The following LPP variants were observed in gnomAD, a reference collection of about 807,000 sequenced individuals.
The protein encoded by LPP is lipoma-preferred partner.
A neutral mutation model predicts 60.4 loss-of-function variants in LPP; 38 were observed. The observed-to-expected ratio is 0.63, with a 90% CI of 0.49 to 0.83. The LOEUF (loss-of-function observed/expected upper bound fraction) is 0.83. Among genes scored for constraint, LPP ranks in the 40% least tolerant of loss-of-function variants. The probability of loss-of-function intolerance (pLI) is 0.00; values close to 1 mark genes in which losing one functional copy is unlikely to be tolerated. For missense variants in LPP, 902 were observed against 783.6 expected (o/e 1.15, Z -1.80); for synonymous variants, 328 against 290.8 (o/e 1.13, Z -1.30).
At chr3:188,427,794 G>T (rs1175888268) in intron 4 of LPP, among the ~76,000 whole-genome samples, 1 of 152,176 alleles carries the variant, frequency 6.6e-6, no homozygotes, top group Admixed American at 6.5e-5. Flanking sequence ...GTCAACTTCA[G>T]ACTGCTGTGC....
chr3:188,220,765 C>G (rs1037897571), intron 1 of LPP, among the ~76,000 whole-genome samples: 6 of 152,088 alleles, frequency 3.9e-5, no homozygotes, highest in African/African-American at 1.2e-4. Context: ...TTTCCTGGGC[C>G]TTCCAGTGGG....
chr3:188,480,495 A>G (rs1206463537), intron 4 of LPP, among the ~76,000 whole-genome samples: 2 of 152,220 alleles, frequency 1.3e-5, no homozygotes, highest in Non-Finnish European at 2.9e-5. Context: ...TATATTTTGT[A>G]TGTAGGTAGG....
In LPP at chr3:188,526,292, CTTCT is replaced by C. The variant is rs528980291; in HGVS notation, c.429+1508_429+1511del. Among the ~76,000 whole-genome samples, 84 of 51,410 alleles carry C rather than the reference CTTCT, an allele frequency of 1.6e-3. No individual in the cohort carries two copies. In the East Asian group the frequency reaches 0.024, roughly 15 times the overall value. The allele number at this position is 51,410 out of a possible 152,430, so 33.7% of individuals were successfully genotyped here. ...CATAAGGTGGCAGCACTTTCTTCTT[CTTCT>C]TTTTTTTTTCTTTTATGAGATGGAG... On this transcript the variant is annotated intron_variant, in intron 6 of 11. Transcript: ENST00000617246.
chr3:188,746,356 A>G (rs1258174253), intron 8 of LPP: 2 of 430,590 alleles, frequency 4.6e-6, no homozygotes, highest in Non-Finnish European at 9.4e-6. Context: ...GGGGGCAGAA[A>G]AACACGCTGA....
chr3:188,276,087 G>T (rs1312634076), intron 2 of LPP, among the ~76,000 whole-genome samples: 1 of 152,178 alleles, frequency 6.6e-6, no homozygotes, highest in Admixed American at 6.5e-5. Context: ...GCAAAAGTAT[G>T]CTTTAAATAA....
At chr3:188,189,692 T>C (rs1727597651) in intron 1 of LPP, among the ~76,000 whole-genome samples, 1 of 152,064 alleles carries the variant, frequency 6.6e-6, no homozygotes, top group Admixed American at 6.5e-5. Flanking sequence ...GCTGAATCAG[T>C]ACCAGCGTCA....
intron 9 of LPP, among the ~76,000 whole-genome samples, chr3:188,811,038 T>A (rs1413415362): frequency 6.6e-6 from 1 of 152,108 alleles, no homozygotes; most frequent in Non-Finnish European, 1.5e-5. Flanking sequence ...GGAATGGAAT[T>A]CATTAATTGT....
intron 7 of LPP, among the ~76,000 whole-genome samples, chr3:188,690,486 T>C (rs1228621358): frequency 1.3e-5 from 2 of 152,210 alleles, no homozygotes; most frequent in African/African-American, 4.8e-5. Context: ...ATTTTTCTAA[T>C]GTTTCAAAAA....
At chr3:188,276,178 C>T (rs1231870716) in intron 2 of LPP, among the ~76,000 whole-genome samples, 2 of 152,176 alleles carry the variant, frequency 1.3e-5, no homozygotes, top group African/African-American at 4.8e-5. Flanking sequence ...CCATTTTTGT[C>T]CTGTGTGTAA....
chr3:188,375,400 G>A (rs1008331854), intron 3 of LPP, among the ~76,000 whole-genome samples: 4 of 152,128 alleles, frequency 2.6e-5, no homozygotes, highest in East Asian at 1.9e-4. Flanking sequence ...TTATTGGTCT[G>A]TTCAGAGATT....
chr3:188,211,294 G>T (rs1250249642), intron 1 of LPP, among the ~76,000 whole-genome samples: 1 of 152,206 alleles, frequency 6.6e-6, no homozygotes, highest in African/African-American at 2.4e-5. Flanking sequence ...GCTGTTTATA[G>T]CTTGAAGACT....
At chr3:188,808,826 T>A (rs1188344867) in intron 9 of LPP, among the ~76,000 whole-genome samples, 1 of 152,154 alleles carries the variant, frequency 6.6e-6, no homozygotes, top group African/African-American at 2.4e-5. Flanking sequence ...ATGGTCTCCC[T>A]CCCTTTGCCC....
chr3:188,633,585 T>C (rs1848212116), intron 7 of LPP, among the ~76,000 whole-genome samples: 1 of 152,138 alleles, frequency 6.6e-6, no homozygotes, highest in Non-Finnish European at 1.5e-5. Context: ...GTGATTTTTT[T>C]CCAGATAACA....
rs1466436522 is a variant in LPP, at chr3:188,876,349, A to G, written c.*1870A>G. 2 of 190,798 alleles carry G rather than the reference A, an allele frequency of 1.0e-5. No individual in the cohort carries two copies. The highest frequency in any genetic ancestry group is 1.1e-5 in the Non-Finnish European group (1 of 90,770). The allele number at this position is 190,798 out of a possible 1,614,324, so 11.8% of individuals were successfully genotyped here. A position where few individuals can be genotyped will look rare whatever the true frequency, so the allele number is the denominator to read the frequency against. ...GTATGGCTCATTTGCTTTTGTCACT[A>G]AACGGTTTTGTGTTAGAACCACCAA... On this transcript the variant is annotated 3_prime_UTR_variant, in exon 12 of 12. Coordinates refer to ENST00000617246, the MANE Select transcript of LPP (RefSeq NM_001375462.1).
At chr3:188,211,804 C>T (rs948040120) in intron 1 of LPP, among the ~76,000 whole-genome samples, 5 of 151,342 alleles carry the variant, frequency 3.3e-5, no homozygotes, top group Admixed American at 6.6e-5. Context: ...TGGGCTTGGG[C>T]GTGAGAGACT....
chr3:188,778,435 T>C (rs1472526055), intron 9 of LPP, among the ~76,000 whole-genome samples: 1 of 152,178 alleles, frequency 6.6e-6, no homozygotes, highest in Non-Finnish European at 1.5e-5. Flanking sequence ...ATAGGGTCTT[T>C]TCTCTCATAG....
chr3:188,748,706 C>T (rs572685312), intron 8 of LPP, among the ~76,000 whole-genome samples: 99 of 152,170 alleles, frequency 6.5e-4, no homozygotes, highest in Admixed American at 1.3e-3. Context: ...TCACTTGAAC[C>T]CGGGAGGCAG....
At chr3:188,695,939 C>A (rs929921421) in intron 7 of LPP, among the ~76,000 whole-genome samples, 5 of 152,192 alleles carry the variant, frequency 3.3e-5, no homozygotes, top group Admixed American at 1.3e-4. Flanking sequence ...CAAAAGACTC[C>A]TGCCTAACTC....
chr3:188,882,688 T>C lies in LPP; in HGVS notation c.*8209T>C, dbSNP rs1770180624. On this transcript the variant is annotated 3_prime_UTR_variant, in exon 12 of 12. Transcript: ENST00000617246. ...ATTATTAGAAAGGACTTCCCAGCCA[T>C]CTTTTCTACTTGGTATTAAAATTCC... 1 of 211,036 alleles carries C rather than the reference T, an allele frequency of 4.7e-6. No individual in the cohort carries two copies. Among genetic ancestry groups the C allele is most frequent in the Non-Finnish European group, 9.6e-6 (1 of 104,208 alleles). The allele number at this position is 211,036 out of a possible 1,614,324, so 13.1% of individuals were successfully genotyped here.
Sources: allele counts gnomAD v4.1 joint callset (sites outside exome capture counted in the v4.1 genomes callset), GRCh38; gene constraint gnomAD v4.1.1; transcripts MANE v1.5; gene names NCBI Gene and HGNC (gene_info 2026-07-23, HGNC 2026-07-21).